MAN1C1: variants seen among roughly 807,000 people sequenced by gnomAD.
MAN1C1 encodes mannosidase alpha class 1C member 1, also known as mannosyl-oligosaccharide 1,2-alpha-mannosidase IC.
A neutral mutation model predicts 71.5 loss-of-function variants in MAN1C1; 49 were observed. The observed-to-expected ratio is 0.69, with a 90% CI of 0.54 to 0.87. MAN1C1 has a LOEUF of 0.87. Ranked by LOEUF, MAN1C1 falls within the 40% of genes least tolerant of loss-of-function variation. The pLI, the probability that MAN1C1 is intolerant of heterozygous loss-of-function variation, is 0.00. For missense variants in MAN1C1, 743 were observed against 835.0 expected (o/e 0.89, Z 1.36); for synonymous variants, 352 against 343.7 (o/e 1.02, Z -0.27).
intron 2 of MAN1C1, among the ~76,000 whole-genome samples, chr1:25,704,347 G>A (rs549299051): frequency 6.6e-6 from 1 of 152,362 alleles, no homozygotes; most frequent in East Asian, 1.9e-4. Context: ...CCTGGGGCCT[G>A]CAGTACAGAT....
At chr1:25,623,227 G>A (rs955107967) in intron 1 of MAN1C1, among the ~76,000 whole-genome samples, 4 of 152,194 alleles carry the variant, frequency 2.6e-5, no homozygotes, top group African/African-American at 9.7e-5. Context: ...GTGCAGTTGA[G>A]TAAAGCTTAG....
At chr1:25,715,430 G>A (rs1159964197) in intron 2 of MAN1C1, among the ~76,000 whole-genome samples, 1 of 152,160 alleles carries the variant, frequency 6.6e-6, no homozygotes, top group East Asian at 1.9e-4. Context: ...GGTGGATGCT[G>A]GGCTGTGAAA....
chr1:25,750,460 C>T (rs891010287), intron 4 of MAN1C1, among the ~76,000 whole-genome samples: 2 of 152,132 alleles, frequency 1.3e-5, no homozygotes, highest in African/African-American at 4.8e-5. Flanking sequence ...GCCTGCCCCC[C>T]GCCACCCAAG....
At position 25,631,495 on chromosome 1, in the gene MAN1C1, G is replaced by A. The variant is rs1477818560; in HGVS notation, c.540+13158G>A. Among the ~76,000 whole-genome samples the A allele has an allele frequency of 6.6e-6, 1 of 152,040 alleles. No individual in the cohort carries two copies. The highest frequency in any genetic ancestry group is 6.5e-5 in the Admixed American group (1 of 15,270). ...ATTGAATGCTTTTTCTGCAACTATT[G>A]AGATGATCGTATGGTTTTTGTTTTT... On this transcript the variant is annotated intron_variant, in intron 1 of 11. Coordinates refer to ENST00000374332, the MANE Select transcript of MAN1C1 (RefSeq NM_020379.4). The surrounding 1 kb of genome is among the most constrained non-coding windows in gnomAD (Gnocchi z 4.2).
intron 2 of MAN1C1, among the ~76,000 whole-genome samples, chr1:25,740,344 A>G (rs1383671301): frequency 1.3e-5 from 2 of 152,140 alleles, no homozygotes; most frequent in East Asian, 3.9e-4. Flanking sequence ...GGGAAGGACT[A>G]AGGCTTTCAA....
chr1:25,620,683 G>A (rs2045193596), intron 1 of MAN1C1, among the ~76,000 whole-genome samples: 1 of 152,156 alleles, frequency 6.6e-6, no homozygotes, highest in African/African-American at 2.4e-5. Flanking sequence ...AGGAACAGAG[G>A]GGGAGCTGGC....
At chr1:25,657,989 C>T (rs191398978) in intron 1 of MAN1C1, among the ~76,000 whole-genome samples, 38 of 152,330 alleles carry the variant, frequency 2.5e-4, no homozygotes, top group African/African-American at 9.1e-4. Flanking sequence ...TCACCAACCT[C>T]AGCATTTCCA....
In MAN1C1 at chr1:25,749,262, A is replaced by T. The variant is rs764117839; in HGVS notation, c.761A>T (p.Glu254Val). ...CTTCTTTCTGTCCTGCAGAGCGGAG[A>T]AGCATCCTTGTTTGAGGTGAACATC... ...GESFHLNVSG[E>V]ASLFEVNIRY... Residue 254 changes from glutamate to valine, a missense_variant, in exon 4 of 12, where the codon GAA becomes GTA. Transcript: ENST00000374332. 4 of 1,611,916 alleles carry T rather than the reference A, an allele frequency of 2.5e-6. No homozygotes were observed. The Admixed American group carries it at 6.7e-5, about 27-fold the overall frequency.
chr1:25,667,382 G>A (rs2045938235), intron 1 of MAN1C1, among the ~76,000 whole-genome samples: 1 of 151,006 alleles, frequency 6.6e-6, no homozygotes, highest in African/African-American at 2.4e-5. Context: ...TACTTGGGAG[G>A]CTGAGGCAGG....
intron 1 of MAN1C1, among the ~76,000 whole-genome samples, chr1:25,661,206 C>T (rs912581127): frequency 3.3e-5 from 5 of 152,304 alleles, no homozygotes; most frequent in Non-Finnish European, 7.3e-5. Flanking sequence ...AGCTGTGCTG[C>T]GTGGCCCATG....
At chr1:25,709,333 C>A (rs2046571132) in intron 2 of MAN1C1, among the ~76,000 whole-genome samples, 1 of 152,190 alleles carries the variant, frequency 6.6e-6, no homozygotes, top group Admixed American at 6.5e-5. Flanking sequence ...ACTTATTTTG[C>A]AGTCATAAAA....
In MAN1C1 at chr1:25,649,927, C is replaced by T. The variant is rs111976817; in HGVS notation, c.540+31590C>T. ...GTGCTGGGATACAGGAGTGAGCCACCGTGCCCGGCCTGGCCTTGTTGCTTT... is the reference window on the plus strand; with the variant it reads ...GTGCTGGGATACAGGAGTGAGCCACTGTGCCCGGCCTGGCCTTGTTGCTTT... On this transcript the variant is annotated intron_variant, in intron 1 of 11. Coordinates refer to ENST00000374332, the MANE Select transcript of MAN1C1 (RefSeq NM_020379.4). Among the ~76,000 whole-genome samples the T allele has an allele frequency of 3.4e-3, 524 of 152,280 alleles. 3 individuals are homozygous for T. Among genetic ancestry groups the T allele is most frequent in the African/African-American group, 0.012 (499 of 41,552 alleles).
At chr1:25,647,942 G>T (rs1411474772) in intron 1 of MAN1C1, among the ~76,000 whole-genome samples, 3 of 152,136 alleles carry the variant, frequency 2.0e-5, no homozygotes, top group African/African-American at 7.2e-5. Context: ...TGCTGGGCAG[G>T]TGCTGCAGGG....
chr1:25,679,036 A>G (rs1355166792), intron 1 of MAN1C1, among the ~76,000 whole-genome samples: 1 of 151,762 alleles, frequency 6.6e-6, no homozygotes, highest in African/African-American at 2.4e-5. Flanking sequence ...AAGACGAGAG[A>G]GAGAGATGAG....
chr1:25,637,493 G>C (rs971152484), intron 1 of MAN1C1, among the ~76,000 whole-genome samples: 1 of 152,078 alleles, frequency 6.6e-6, no homozygotes. Flanking sequence ...ATTGGCAAAT[G>C]TTCCATGTAC....
intron 1 of MAN1C1, among the ~76,000 whole-genome samples, chr1:25,649,935 G>A (rs1008285086): frequency 3.9e-5 from 6 of 152,166 alleles, no homozygotes; most frequent in Non-Finnish European, 8.8e-5. Context: ...ACCGTGCCCG[G>A]CCTGGCCTTG....
intron 1 of MAN1C1, among the ~76,000 whole-genome samples, chr1:25,685,853 G>A (rs1459147196): frequency 6.6e-6 from 1 of 152,144 alleles, no homozygotes; most frequent in Non-Finnish European, 1.5e-5. Context: ...GCCAGGGCAG[G>A]TCAAAGGAGT....
chr1:25,767,178 C>T (rs1198823168), intron 7 of MAN1C1, among the ~76,000 whole-genome samples: 2 of 129,142 alleles, frequency 1.5e-5, no homozygotes, highest in Non-Finnish European at 3.2e-5. Context: ...CCCTACCACC[C>T]CACCCACCCT....
At chr1:25,773,206 A>T (rs1208787388) in intron 8 of MAN1C1, among the ~76,000 whole-genome samples, 1 of 146,872 alleles carries the variant, frequency 6.8e-6, no homozygotes, top group African/African-American at 2.5e-5. Context: ...GCATGGGTGC[A>T]TGAATGCTGA....
Sources: allele counts gnomAD v4.1 joint callset (sites outside exome capture counted in the v4.1 genomes callset), GRCh38; gene constraint gnomAD v4.1.1; non-coding constraint Gnocchi (gnomAD v3.1); transcripts MANE v1.5; gene names NCBI Gene and HGNC (gene_info 2026-07-23, HGNC 2026-07-21).